Variants in RBPJ observed in about 807,000 individuals in gnomAD.
RBPJ encodes recombining binding protein suppressor of hairless.
RBPJ carries 9 observed loss-of-function variants against 67.8 expected under a neutral mutation model. That is an observed-to-expected ratio of 0.13 (90% CI 0.08 to 0.23). The LOEUF is 0.23. Ranked by LOEUF, RBPJ falls within the 10% of genes least tolerant of loss-of-function variation. The pLI is 1.00. For synonymous variants in RBPJ, 198 were observed against 203.3 expected (o/e 0.97, Z 0.22); for missense variants, 305 against 595.6 (o/e 0.51, Z 5.08).
At chr4:26,214,714 A>AAG (rs768378086) in intron 1 of RBPJ, among the ~76,000 whole-genome samples, 27,128 of 96,570 alleles carry the variant, frequency 0.28, 4,194 homozygotes, top group East Asian at 0.59. Flanking sequence ...GGAAGGAAGG[A>AAG]GAGAGAGAGA....
At chr4:26,143,425 G>A in the RBPJ span, among the ~76,000 whole-genome samples, 1 of 152,314 alleles carries the variant, frequency 6.6e-6, no homozygotes, top group East Asian at 1.9e-4. Context: ...GACTTCCAGG[G>A]CCCTGTGTTA....
At chr4:26,347,305 T>C (rs1369059785) in intron 1 of RBPJ, among the ~76,000 whole-genome samples, 5 of 152,110 alleles carry the variant, frequency 3.3e-5, no homozygotes, top group Non-Finnish European at 7.3e-5. Flanking sequence ...ATTAGAACCT[T>C]GGGAGTGGGC....
chr4:26,247,828 T>C (rs1210906601), intron 1 of RBPJ, among the ~76,000 whole-genome samples: 2 of 152,194 alleles, frequency 1.3e-5, no homozygotes, highest in Non-Finnish European at 2.9e-5. Flanking sequence ...CAGTAGACAC[T>C]GGAAATTCCA....
intron 1 of RBPJ, among the ~76,000 whole-genome samples, chr4:26,215,327 AAAAGAG>A (rs1185872213): frequency 1.9e-5 from 1 of 51,524 alleles, no homozygotes; most frequent in Non-Finnish European, 3.7e-5. Flanking sequence ...GAAAGAAAGA[AAAAGAG>A]AGAGAGAAAG....
At chr4:26,144,806 G>C in the RBPJ span, among the ~76,000 whole-genome samples, 13 of 152,128 alleles carry the variant, frequency 8.5e-5, no homozygotes, top group African/African-American at 2.7e-4. Flanking sequence ...GTGACAGACT[G>C]GGGAAGCCTG....
At chr4:26,252,194 T>C (rs78626975) in intron 1 of RBPJ, among the ~76,000 whole-genome samples, 9,405 of 152,126 alleles carry the variant, frequency 0.062, 863 homozygotes, top group African/African-American at 0.2. Context: ...ATGTACATTT[T>C]GTACCCATTA....
At chr4:26,145,278 G>A in the RBPJ span, among the ~76,000 whole-genome samples, 1 of 152,096 alleles carries the variant, frequency 6.6e-6, no homozygotes, top group African/African-American at 2.4e-5. Flanking sequence ...GGAGTCTTCT[G>A]CAGAATTTCA....
At chr4:26,357,227 T>C (rs1422629345) in intron 1 of RBPJ, among the ~76,000 whole-genome samples, 2 of 152,208 alleles carry the variant, frequency 1.3e-5, no homozygotes, top group Non-Finnish European at 1.5e-5. Context: ...GGCTAGGCTT[T>C]TGAGGATAGG....
chr4:26,277,054 G>C (rs1209639284), intron 1 of RBPJ, among the ~76,000 whole-genome samples: 1 of 151,612 alleles, frequency 6.6e-6, no homozygotes, highest in Non-Finnish European at 1.5e-5. Context: ...GCTGAGGTGG[G>C]AGGATTGCTT....
chr4:26,204,836 A>G (rs1718113532), intron 1 of RBPJ, among the ~76,000 whole-genome samples: 1 of 152,190 alleles, frequency 6.6e-6, no homozygotes, highest in Admixed American at 6.5e-5. Context: ...GGTTAACAGT[A>G]GCCTTGTTTT....
chr4:26,386,506 G>C lies in RBPJ; in HGVS notation c.59+115G>C, dbSNP rs547956148. The C allele has an allele frequency of 7.9e-5, 53 of 669,560 alleles. No homozygotes were observed. In the East Asian group the frequency reaches 1.6e-3, roughly 20 times the overall value. The allele number at this position is 669,560 out of a possible 1,614,324, so 41.5% of individuals were successfully genotyped here. A position where few individuals can be genotyped will look rare whatever the true frequency, so the allele number is the denominator to read the frequency against. On this transcript the variant is annotated intron_variant, in intron 2 of 10. Coordinates refer to ENST00000355476, the MANE Select transcript of RBPJ (RefSeq NM_015874.6). ...AAAGTCATTCAAATATTACTGTCTA[G>C]AGCATAAACTTATTCTCAAACTTCC...
chr4:26,178,304 G>C (rs1716865000), intron 1 of RBPJ, among the ~76,000 whole-genome samples: 1 of 152,158 alleles, frequency 6.6e-6, no homozygotes, highest in Admixed American at 6.5e-5. Context: ...GGACTCCATG[G>C]CCCCTTATCA....
At chr4:26,195,327 A>G (rs1460571555) in intron 1 of RBPJ, among the ~76,000 whole-genome samples, 2 of 152,212 alleles carry the variant, frequency 1.3e-5, no homozygotes, top group African/African-American at 4.8e-5. Context: ...TTATCTATCC[A>G]GTTGTCCATC....
intron 1 of RBPJ, chr4:26,359,786 C>T (rs1727849759): frequency 1.3e-5 from 2 of 152,180 alleles, no homozygotes; most frequent in Admixed American, 1.3e-4. Flanking sequence ...GTGAGCACCC[C>T]GCGGATCAAC....
At chr4:26,229,251 C>A (rs1430942716) in intron 1 of RBPJ, among the ~76,000 whole-genome samples, 1 of 152,164 alleles carries the variant, frequency 6.6e-6, no homozygotes, top group East Asian at 1.9e-4. Flanking sequence ...GGGCCAATCA[C>A]CTTCTCAGTT....
chr4:26,235,396 G>A (rs1345251286), intron 1 of RBPJ, among the ~76,000 whole-genome samples: 1 of 152,074 alleles, frequency 6.6e-6, no homozygotes, highest in East Asian at 1.9e-4. Context: ...GATCTCTGAA[G>A]GTATTTATAC....
chr4:26,260,510 TA>T (rs140662552), intron 1 of RBPJ, among the ~76,000 whole-genome samples: 1 of 151,058 alleles, frequency 6.6e-6, no homozygotes, highest in Admixed American at 6.6e-5. Flanking sequence ...ACTGAGAATA[TA>T]AAAAAAAAGC....
chr4:26,286,579 C>T (rs757904718), intron 1 of RBPJ, among the ~76,000 whole-genome samples: 1 of 151,718 alleles, frequency 6.6e-6, no homozygotes, highest in South Asian at 2.1e-4. Context: ...CTTCAATATC[C>T]TATAATTCAT....
intron 1 of RBPJ, among the ~76,000 whole-genome samples, chr4:26,183,460 A>G (rs1717094373): frequency 6.6e-6 from 1 of 152,238 alleles, no homozygotes; most frequent in African/African-American, 2.4e-5. Context: ...CATTACTCGC[A>G]GACAGGGCTC....
Sources: allele counts gnomAD v4.1 joint callset (sites outside exome capture counted in the v4.1 genomes callset), GRCh38; gene constraint gnomAD v4.1.1; transcripts MANE v1.5; gene names NCBI Gene and HGNC (gene_info 2026-07-23, HGNC 2026-07-21).